The following RAPGEF5 variants were observed in gnomAD, a reference collection of about 807,000 sequenced individuals.
RAPGEF5 encodes M-Ras-regulated GEF.
A neutral mutation model predicts 125.2 loss-of-function variants in RAPGEF5; 65 were observed. The ratio of observed to expected loss-of-function variants is 0.52; its 90% CI spans 0.43 to 0.64. RAPGEF5 has a LOEUF of 0.64. RAPGEF5 is among the 30% of genes least tolerant of loss of function. RAPGEF5 has a pLI of 0.00. For missense variants in RAPGEF5, 958 were observed against 1,048.1 expected (o/e 0.91, Z 1.19); for synonymous variants, 391 against 385.9 (o/e 1.01, Z -0.16).
intron 1 of RAPGEF5, among the ~76,000 whole-genome samples, chr7:22,341,421 C>G (rs1784127465): frequency 6.6e-6 from 1 of 152,184 alleles, no homozygotes. Flanking sequence ...CCCGGCCCCT[C>G]CCAAATCTCA....
intron 8 of RAPGEF5, among the ~76,000 whole-genome samples, chr7:22,222,236 C>T (rs1785809813): frequency 6.6e-6 from 1 of 152,064 alleles, no homozygotes; most frequent in South Asian, 2.1e-4. Context: ...GAGAGTCCAT[C>T]TCAAAACAAA....
At chr7:22,246,505 T>G (rs1418510305) in intron 7 of RAPGEF5, among the ~76,000 whole-genome samples, 1 of 152,170 alleles carries the variant, frequency 6.6e-6, no homozygotes, top group Non-Finnish European at 1.5e-5. Context: ...TGAATGGTGC[T>G]GGGATAACTG....
At chr7:22,179,374 T>A (rs560162838) in intron 11 of RAPGEF5, among the ~76,000 whole-genome samples, 41 of 152,302 alleles carry the variant, frequency 2.7e-4, no homozygotes, top group African/African-American at 9.9e-4. Context: ...ATAAGAAAAG[T>A]ACTTATAGCT....
At position 22,166,069 on chromosome 7, in the gene RAPGEF5, CATATATATGTATCAT is replaced by C. The variant is rs1222409018; in HGVS notation, c.1283+986_1283+1000del. On this transcript the variant is annotated intron_variant, in intron 12 of 25. Transcript: ENST00000665637. Reference sequence around the variant, plus strand: ...ATGTATATTATATATATATTATATACATATATATGTATCATATATATATATATCATATATATATTT... The same window carrying C: ...ATGTATATTATATATATATTATATACATATATATATATCATATATATATTT... 5.4e-3 allele frequency among the ~76,000 whole-genome samples: 790 copies of C among 145,092 alleles called. 10 individuals carry two copies. Among genetic ancestry groups the C allele is most frequent in the African/African-American group, 0.017 (664 of 39,570 alleles).
Position 22,160,733 on chromosome 7 carries a change from G to A in RAPGEF5, c.1429-118C>T, listed in dbSNP as rs1783961881. 3 of 1,208,478 alleles carry A rather than the reference G, an allele frequency of 2.5e-6. No individual in the cohort carries two copies. In the South Asian group the frequency reaches 6.7e-5, roughly 27 times the overall value. 74.9% of individuals were successfully genotyped at this position (1,208,478 alleles called of 1,614,324 possible). On this transcript the variant is annotated intron_variant, in intron 13 of 25. Coordinates refer to ENST00000665637, the MANE Select transcript of RAPGEF5 (RefSeq NM_012294.5). ...AGGAGGGATTCAGGACAATGTACGG[G>A]TTTCACCAGGTGCCAATGAGATCCA... is the stretch of plus-strand genomic sequence containing the variant.
At chr7:22,346,051 C>G (rs1784218870) in intron 1 of RAPGEF5, among the ~76,000 whole-genome samples, 1 of 152,160 alleles carries the variant, frequency 6.6e-6, no homozygotes, top group African/African-American at 2.4e-5. Context: ...ACCCATCTTT[C>G]CATTTGTCTA....
At chr7:22,262,683 T>C (rs1782185644) in intron 7 of RAPGEF5, among the ~76,000 whole-genome samples, 1 of 152,144 alleles carries the variant, frequency 6.6e-6, no homozygotes, top group South Asian at 2.1e-4. Flanking sequence ...ACAACCCAGA[T>C]GTCCTTCAAT....
Position 22,119,595 on chromosome 7 carries a change from T to G in RAPGEF5, c.*2811A>C, listed in dbSNP as rs952194375. 5.9e-5 allele frequency: 9 copies of G among 152,316 alleles called. No homozygotes were observed. The highest frequency in any genetic ancestry group is 2.2e-4 in the African/African-American group (9 of 41,562). The allele number at this position is 152,316 out of a possible 1,614,324, so 9.4% of individuals were successfully genotyped here. On this transcript the variant is annotated 3_prime_UTR_variant, in exon 26 of 26. Transcript: ENST00000665637. This position sits in a 1 kb window ranked among gnomAD's most constrained non-coding sequence, Gnocchi z 4.1. Reference sequence around the variant, plus strand: ...GTGCTAACTTCTAAGCAGGGCTAGTTTGCTGGAATGCTGACGAATCCAAAG... The same window carrying G: ...GTGCTAACTTCTAAGCAGGGCTAGTGTGCTGGAATGCTGACGAATCCAAAG...
chr7:22,181,904 A>G (rs1185292240), intron 11 of RAPGEF5, among the ~76,000 whole-genome samples: 1 of 152,218 alleles, frequency 6.6e-6, no homozygotes. Flanking sequence ...GTAGGTTAAA[A>G]GCAAACATTC....
chr7:22,130,784 T>G (rs537381710), intron 24 of RAPGEF5, among the ~76,000 whole-genome samples: 2 of 152,332 alleles, frequency 1.3e-5, no homozygotes, highest in East Asian at 3.9e-4. Context: ...ATTCCATTTT[T>G]AAAAACAAAA....
intron 11 of RAPGEF5, among the ~76,000 whole-genome samples, chr7:22,191,030 G>T (rs1784978616): frequency 6.6e-6 from 1 of 152,024 alleles, no homozygotes; most frequent in Admixed American, 6.5e-5. Flanking sequence ...CCTCCATATG[G>T]TTTATGCAAC....
intron 21 of RAPGEF5, among the ~76,000 whole-genome samples, chr7:22,138,879 A>G (rs968151669): frequency 6.6e-6 from 1 of 152,148 alleles, no homozygotes; most frequent in Non-Finnish European, 1.5e-5. Flanking sequence ...TTGCCAAGCC[A>G]TTTGTTTTCC....
chr7:22,275,898 A>G (rs1232710953), intron 6 of RAPGEF5, among the ~76,000 whole-genome samples: 1 of 152,216 alleles, frequency 6.6e-6, no homozygotes, highest in Non-Finnish European at 1.5e-5. Flanking sequence ...ATTTCATGGT[A>G]CAAACAACAG....
At chr7:22,171,864 A>G (rs1170924980) in intron 11 of RAPGEF5, among the ~76,000 whole-genome samples, 1 of 152,226 alleles carries the variant, frequency 6.6e-6, no homozygotes, top group East Asian at 1.9e-4. Context: ...TGGCTTATCA[A>G]TAAATTTTTG....
At chr7:22,182,400 C>T (rs1784702578) in intron 11 of RAPGEF5, among the ~76,000 whole-genome samples, 1 of 152,168 alleles carries the variant, frequency 6.6e-6, no homozygotes, top group Admixed American at 6.5e-5. Context: ...GGTTGTCAAA[C>T]CCACAACTGA....
chr7:22,280,918 T>C (rs1023863870), intron 6 of RAPGEF5, among the ~76,000 whole-genome samples: 1 of 152,130 alleles, frequency 6.6e-6, no homozygotes, highest in African/African-American at 2.4e-5. Flanking sequence ...GCTGGGGTAA[T>C]CTTAGGCAGT....
At chr7:22,212,474 G>A (rs112841904) in intron 9 of RAPGEF5, among the ~76,000 whole-genome samples, 5 of 152,284 alleles carry the variant, frequency 3.3e-5, no homozygotes, top group African/African-American at 1.2e-4. Flanking sequence ...TGAGTTTCTC[G>A]CAGAACATCA....
In RAPGEF5 at chr7:22,175,547, A is replaced by G. The variant is rs554439661; in HGVS notation, c.1205-8399T>C. ...GAATTGTCATGGGCACGAAGCCTTC[A>G]GCACCAATCTGCCAGCATCTACCAA... On this transcript the variant is annotated intron_variant, in intron 11 of 25. Transcript: ENST00000665637. 2.0e-5 allele frequency among the ~76,000 whole-genome samples: 3 copies of G among 152,336 alleles called. No individual in the cohort carries two copies. The East Asian group carries it at 5.8e-4, about 29-fold the overall frequency.
intron 7 of RAPGEF5, among the ~76,000 whole-genome samples, chr7:22,261,062 A>G (rs1782143484): frequency 6.6e-6 from 1 of 152,212 alleles, no homozygotes; most frequent in South Asian, 2.1e-4. Flanking sequence ...ATCACACCAT[A>G]TACATAAAAT....
Sources: allele counts gnomAD v4.1 joint callset (sites outside exome capture counted in the v4.1 genomes callset), GRCh38; gene constraint gnomAD v4.1.1; non-coding constraint Gnocchi (gnomAD v3.1); transcripts MANE v1.5; gene names NCBI Gene and HGNC (gene_info 2026-07-23, HGNC 2026-07-21).